The following PTBP2 variants were observed in gnomAD, a reference collection of about 807,000 sequenced individuals.
PTBP2 encodes polypyrimidine tract binding protein 2.
PTBP2 carries 13 observed loss-of-function variants against 61.4 expected under a neutral mutation model. That is an observed-to-expected ratio of 0.21 (90% confidence interval 0.14 to 0.34). The LOEUF is 0.34. Ranked by LOEUF, PTBP2 falls within the 10% of genes least tolerant of loss-of-function variation. The pLI is 1.00. For synonymous variants in PTBP2, 215 were observed against 218.5 expected (o/e 0.98, Z 0.14); for missense variants, 405 against 642.6 (o/e 0.63, Z 4.00).
chr1:96,742,057 T>C (rs1357161253), intron 2 of PTBP2, among the ~76,000 whole-genome samples: 1 of 152,226 alleles, frequency 6.6e-6, no homozygotes. Flanking sequence ...CTGCATTTAT[T>C]TTAAGATCAT....
chr1:96,739,969 T>C (rs906697523), intron 2 of PTBP2, among the ~76,000 whole-genome samples: 1 of 152,014 alleles, frequency 6.6e-6, no homozygotes, highest in African/African-American at 2.4e-5. Flanking sequence ...AAGGAAGTGC[T>C]TAGTGGAGCA....
chr1:96,797,571 A>ATTGG (rs1323868174), intron 8 of PTBP2, among the ~76,000 whole-genome samples: 1 of 152,026 alleles, frequency 6.6e-6, no homozygotes, highest in African/African-American at 2.4e-5. Flanking sequence ...TACATGGGAG[A>ATTGG]TTGGTTCTAG....
At chr1:96,750,298 C>G (rs1429335230) in intron 2 of PTBP2, among the ~76,000 whole-genome samples, 1 of 151,930 alleles carries the variant, frequency 6.6e-6, no homozygotes, top group Non-Finnish European at 1.5e-5. Context: ...CTATGCCATG[C>G]CAGATCTTCC....
downstream of PTBP2, chr1:96,818,798 C>T (rs1007358003): frequency 1.3e-5 from 2 of 151,940 alleles, no homozygotes; most frequent in East Asian, 3.9e-4. Flanking sequence ...AAAAGGAACC[C>T]GGATATCTAG....
Position 96,744,402 on chromosome 1 carries a change from A to G in PTBP2, c.40-7023A>G, listed in dbSNP as rs1260919352. Reference sequence around the variant, plus strand: ...ATGGGGTTATCTGGGGAGAAAGATTATAGTCCATGAGTCCCCCTGTTGTAT... The same window carrying G: ...ATGGGGTTATCTGGGGAGAAAGATTGTAGTCCATGAGTCCCCCTGTTGTAT... On this transcript the variant is annotated intron_variant, in intron 2 of 13. Transcript: ENST00000674951. Among the ~76,000 whole-genome samples, 2 of 152,180 alleles carry G rather than the reference A, an allele frequency of 1.3e-5. 1 individual carries two copies.
intron 8 of PTBP2, among the ~76,000 whole-genome samples, chr1:96,792,134 G>T (rs1659914875): frequency 6.6e-6 from 1 of 152,076 alleles, no homozygotes; most frequent in African/African-American, 2.4e-5. Context: ...ACCGCGCCTA[G>T]CCTGCTTAGA....
chr1:96,819,865 G>A (rs1037954509), downstream of PTBP2: 4 of 151,564 alleles, frequency 2.6e-5, no homozygotes, highest in Non-Finnish European at 4.4e-5. Flanking sequence ...GAAGAATTAC[G>A]GTTAAAGAGC....
chr1:96,722,108 G>A (rs1395269030), intron 1 of PTBP2, among the ~76,000 whole-genome samples: 1 of 152,190 alleles, frequency 6.6e-6, no homozygotes, highest in Non-Finnish European at 1.5e-5. Context: ...GATGGCGGGG[G>A]TGAGGATCCC....
At chr1:96,820,452 A>G (rs1571061123) in exon 14 of PTBP2, 1 of 152,276 alleles carries the variant, frequency 6.6e-6, no homozygotes, top group East Asian at 1.9e-4. Context: ...TGAAGATTTC[A>G]TCCTGAGAAA....
intron 8 of PTBP2, among the ~76,000 whole-genome samples, chr1:96,789,284 C>T (rs190400087): frequency 2.2e-4 from 34 of 152,108 alleles, no homozygotes; most frequent in Non-Finnish European, 3.2e-4. Context: ...AAATCATTGA[C>T]GTTAAAATAG....
intron 11 of PTBP2, 128 bp from the exon 12 acceptor site, chr1:96,812,584 C>A: frequency 1.3e-6 from 1 of 766,518 alleles, no homozygotes. Flanking sequence ...TCACCAGTGG[C>A]TATGGTAAAT....
chr1:96,813,079 G>A lies in PTBP2; in HGVS notation c.1439G>A (p.Gly480Asp). Residue 480 changes from glycine (G) to aspartate (D), a missense_variant, in exon 13 of 14, where the codon GGC becomes GAC. Coordinates refer to ENST00000674951, the MANE Select transcript of PTBP2 (RefSeq NM_021190.4). ...DLRTLFANTG[G>D]TVKAFKFFQD... ...CGAACACTGTTCGCTAACACTGGGGGCACTGTGAAAGCATTTAAGTTTTTT... is the reference window on the plus strand; with the variant it reads ...CGAACACTGTTCGCTAACACTGGGGACACTGTGAAAGCATTTAAGTTTTTT... 1 of 1,612,880 alleles carries A rather than the reference G, an allele frequency of 6.2e-7. No homozygotes were observed. The highest frequency in any genetic ancestry group is 8.5e-7 in the Non-Finnish European group (1 of 1,179,276).
At chr1:96,749,785 T>C (rs563715685) in intron 2 of PTBP2, 3 of 378,372 alleles carry the variant, frequency 7.9e-6, no homozygotes, top group South Asian at 5.6e-5. Context: ...CCAGGCACTT[T>C]GCCTGGTAAT....
rs1657281344 is a variant in PTBP2, at chr1:96,770,726, A to G, written c.307A>G (p.Thr103Ala). The change falls in exon 5 of 14, where the codon ACC (threonine) becomes GCC (alanine). Residue 103 changes from threonine to alanine, a missense_variant. Thr to Ala is a moderately conservative substitution (Grantham distance 58, BLOSUM62 0). This residue lies in a region of PTBP2 where 342 missense variants were observed against 491.2 expected (regional missense o/e 0.70). Coordinates refer to ENST00000674951, the MANE Select transcript of PTBP2 (RefSeq NM_021190.4). ...TTTTCAGGCATTTTTGGAACTAGCA[A>G]CCGAGGAAGCAGCTATTACTATGGT... ...GKNQAFLELA[T>A]EEAAITMVNY... 2.5e-6 allele frequency: 4 copies of G among 1,611,722 alleles called. No individual in the cohort carries two copies. Among genetic ancestry groups the G allele is most frequent in the East Asian group, 4.5e-5 (2 of 44,744 alleles).
At chr1:96,803,794 T>G (rs1661252791) in intron 8 of PTBP2, among the ~76,000 whole-genome samples, 1 of 152,196 alleles carries the variant, frequency 6.6e-6, no homozygotes. Context: ...GCTAAGGGCC[T>G]GTTCTACCCA....
At chr1:96,798,479 CT>C (rs2101141770) in intron 8 of PTBP2, among the ~76,000 whole-genome samples, 1 of 152,212 alleles carries the variant, frequency 6.6e-6, no homozygotes, top group African/African-American at 2.4e-5. Context: ...GTACACAAGA[CT>C]AATAACTACG....
intron 3 of PTBP2, among the ~76,000 whole-genome samples, chr1:96,756,321 C>T (rs904733788): frequency 6.6e-6 from 1 of 152,304 alleles, no homozygotes; most frequent in South Asian, 2.1e-4. Flanking sequence ...ATTACTTGAA[C>T]CCAGGAGGTG....
intron 2 of PTBP2, among the ~76,000 whole-genome samples, chr1:96,741,070 C>T (rs1038650705): frequency 3.1e-4 from 47 of 150,930 alleles, no homozygotes; most frequent in African/African-American, 1.1e-3. Context: ...TCTATACATT[C>T]TTTGAAAATC....
At chr1:96,751,373 A>T in intron 2 of PTBP2, 52 bp from the exon 3 acceptor site, 1 of 1,327,790 alleles carries the variant, frequency 7.5e-7, no homozygotes, top group Non-Finnish European at 1.1e-6. Flanking sequence ...CTTTTAGATT[A>T]ATATTTTTAA....
Sources: allele counts gnomAD v4.1 joint callset (sites outside exome capture counted in the v4.1 genomes callset), GRCh38; gene constraint gnomAD v4.1.1; regional missense constraint gnomAD v4.1.1; transcripts MANE v1.5; gene names NCBI Gene and HGNC (gene_info 2026-07-23, HGNC 2026-07-21).